LAMA1: variants seen among roughly 807,000 people sequenced by gnomAD.
LAMA1 encodes laminin subunit alpha 1.
In LAMA1, 219 loss-of-function variants were observed where a neutral mutation model predicts 348.7. That is an observed-to-expected ratio of 0.63 (90% CI 0.56 to 0.70). The LOEUF (loss-of-function observed/expected upper bound fraction) is 0.70. Ranked by LOEUF, LAMA1 falls within the 30% of genes least tolerant of loss-of-function variation. LAMA1 has a pLI of 0.00. For synonymous variants in LAMA1, 1,487 were observed against 1,491.0 expected, an observed-to-expected ratio of 1.00 and a Z score of 0.06; for missense variants, 3,744 against 3,888.0, an observed-to-expected ratio of 0.96 and a Z score of 0.99.
chr18:7,059,483 G>A (rs184716438), intron 3 of LAMA1, among the ~76,000 whole-genome samples: 29 of 152,218 alleles, frequency 1.9e-4, no homozygotes, highest in African/African-American at 4.8e-4. Context: ...CACATCAAAC[G>A]CCACTTTCTG....
chr18:7,074,121 C>T (rs900481469), intron 3 of LAMA1, among the ~76,000 whole-genome samples: 18 of 152,196 alleles, frequency 1.2e-4, no homozygotes, highest in Non-Finnish European at 2.6e-4. Context: ...ACATGAGCCA[C>T]CACGCCCGGC....
intron 1 of LAMA1, among the ~76,000 whole-genome samples, chr18:7,101,278 A>T (rs2058290280): frequency 6.6e-6 from 1 of 152,220 alleles, no homozygotes. Context: ...GTTAAAACAG[A>T]GATTCTCCTC....
intron 5 of LAMA1, among the ~76,000 whole-genome samples, chr18:7,047,446 A>G (rs1407406681): frequency 6.6e-6 from 1 of 152,220 alleles, no homozygotes; most frequent in Non-Finnish European, 1.5e-5. Flanking sequence ...AGATAAGTGA[A>G]AAGTTATATA....
chr18:6,982,368 G>T, intron 41 of LAMA1, 129 bp downstream of exon 41: 1 of 813,128 alleles, frequency 1.2e-6, no homozygotes, highest in Non-Finnish European at 2.2e-6. Flanking sequence ...ATAGGAAATT[G>T]GAATATAAAT....
At chr18:6,999,208 G>T (rs1284552293) in intron 32 of LAMA1, among the ~76,000 whole-genome samples, 1 of 152,156 alleles carries the variant, frequency 6.6e-6, no homozygotes, top group Admixed American at 6.5e-5. Flanking sequence ...TCACTGTGCT[G>T]CTCTGAGTGC....
intron 29 of LAMA1, among the ~76,000 whole-genome samples, chr18:7,003,227 T>C (rs1366702991): frequency 2.0e-5 from 3 of 150,012 alleles, no homozygotes; most frequent in Non-Finnish European, 4.4e-5. Flanking sequence ...ACGGTCTTGC[T>C]ATTAAAAAAG....
In LAMA1 at chr18:6,982,562, T is replaced by C. The variant is rs779172478; in HGVS notation, c.5825A>G (p.Lys1942Arg). ...LLSESLVSNG[K>R]AAVQRSSRFL... is the part of the protein sequence containing the mutation. ...TCTGGAGCTGCGCTGCACGGCCGCT[T>C]TCCCGTTAGAAACAAGGGATTCTGA... The change falls in exon 41 of 63, where the codon AAA becomes AGA. Residue 1942 changes from lysine to arginine, a missense_variant. Physicochemically the swap from Lys to Arg is conservative, Grantham distance 26. Around this residue, in one of 3 missense-constraint regions of LAMA1, gnomAD observed 1,983 missense variants for 1,934.3 expected, o/e 1.03. Coordinates refer to ENST00000389658, the MANE Select transcript of LAMA1 (RefSeq NM_005559.4). 6.2e-7 allele frequency: 1 copy of C among 1,614,168 alleles called. No individual in the cohort carries two copies. Among genetic ancestry groups the C allele is most frequent in the South Asian group, 1.1e-5 (1 of 91,086 alleles).
At chr18:7,025,598 G>A (rs1051030409) in intron 17 of LAMA1, among the ~76,000 whole-genome samples, 48 of 152,164 alleles carry the variant, frequency 3.2e-4, no homozygotes, top group African/African-American at 1.1e-3. Context: ...AGCCTCATGC[G>A]TACATATTTT....
In LAMA1 at chr18:7,015,802, A is replaced by C; in HGVS notation, c.3046T>G (p.Cys1016Gly). 6.2e-7 allele frequency: 1 copy of C among 1,614,116 alleles called. No homozygotes were observed. Among genetic ancestry groups the C allele is most frequent in the Non-Finnish European group, 8.5e-7 (1 of 1,180,004 alleles). The stretch of plus-strand genomic sequence containing the variant: ...TTCACACCCTGTGTGTGAGGGGGGC[A>C]GACACACTCTCCAGTTTCTGGGTCG... ...TCDPETGECV[C>G]PPHTQGVKCE... The change falls in exon 22 of 63, where the codon TGC becomes GGC. Residue 1016 changes from cysteine to glycine, a missense_variant. By Grantham distance (159) the Cys-to-Gly change is radical. Around this residue, in one of 3 missense-constraint regions of LAMA1, gnomAD observed 1,529 missense variants for 1,689.4 expected, o/e 0.91. Coordinates refer to ENST00000389658, the MANE Select transcript of LAMA1 (RefSeq NM_005559.4).
chr18:6,974,968 G>A lies in LAMA1; in HGVS notation c.6558C>T (p.Ser2186=), dbSNP rs867968283. Residue 2186 remains serine, a synonymous_variant, in exon 46 of 63, where the codon TCC becomes TCT. Coordinates refer to ENST00000389658, the MANE Select transcript of LAMA1 (RefSeq NM_005559.4). ...VAFLWDLGSG[S]TRLEFPDFPI... is the part of the protein sequence containing the mutation. ...GAAAGTCTGGAAACTCCAAGCGTGT[G>A]GACCCGGAGCCCAGGTCCCACAGGA... 1 of 1,614,054 alleles carries A rather than the reference G, an allele frequency of 6.2e-7. No homozygotes were observed. Among genetic ancestry groups the A allele is most frequent in the Non-Finnish European group, 8.5e-7 (1 of 1,180,008 alleles).
At chr18:6,970,218 A>G (rs573333915) in intron 48 of LAMA1, among the ~76,000 whole-genome samples, 4 of 152,288 alleles carry the variant, frequency 2.6e-5, no homozygotes, top group African/African-American at 9.6e-5. Context: ...TTACCTCACG[A>G]GGCAACAGCA....
intron 3 of LAMA1, among the ~76,000 whole-genome samples, chr18:7,074,778 G>C (rs547849603): frequency 2.6e-5 from 4 of 152,050 alleles, no homozygotes; most frequent in Admixed American, 2.0e-4. Flanking sequence ...AATGAAAGAA[G>C]TGAATAGTAG....
chr18:7,034,360 G>GGACACAGA, intron 14 of LAMA1, 119 bp downstream of exon 14: 1 of 774,200 alleles, frequency 1.3e-6, no homozygotes, highest in Non-Finnish European at 2.2e-6. Flanking sequence ...GCCAGATCCT[G>GGACACAGA]TAGCTGTGTC....
At chr18:7,040,016 C>T in intron 10 of LAMA1, 60 bp downstream of exon 10, 1 of 1,577,686 alleles carries the variant, frequency 6.3e-7, no homozygotes. Context: ...CAATGGAAAA[C>T]ACTCCTTTTC....
intron 9 of LAMA1, among the ~76,000 whole-genome samples, chr18:7,041,816 A>G (rs1337100874): frequency 6.6e-6 from 1 of 152,154 alleles, no homozygotes. Context: ...TCACCCCAAC[A>G]TTGTCACCTC....
intron 17 of LAMA1, among the ~76,000 whole-genome samples, chr18:7,024,992 T>C (rs955131082): frequency 1.2e-4 from 19 of 152,176 alleles, no homozygotes; most frequent in African/African-American, 3.9e-4. Flanking sequence ...TTCCTAAACC[T>C]TGAGGATCCT....
At chr18:7,099,083 A>G (rs543147215) in intron 1 of LAMA1, among the ~76,000 whole-genome samples, 1 of 152,024 alleles carries the variant, frequency 6.6e-6, no homozygotes, top group South Asian at 2.1e-4. Context: ...CTGTGTAGAA[A>G]GAAGTAGACA....
At chr18:7,021,588 A>T (rs1301215459) in intron 19 of LAMA1, among the ~76,000 whole-genome samples, 1 of 151,896 alleles carries the variant, frequency 6.6e-6, no homozygotes, top group Non-Finnish European at 1.5e-5. Flanking sequence ...AGTACTAAAA[A>T]AGAAAGTAAA....
At chr18:7,067,590 C>G (rs1175914967) in intron 3 of LAMA1, among the ~76,000 whole-genome samples, 1 of 152,012 alleles carries the variant, frequency 6.6e-6, no homozygotes, top group Non-Finnish European at 1.5e-5. Flanking sequence ...CGTTCTATAC[C>G]AAGGGAATGG....
Sources: gnomAD v4.1 joint callset for allele counts (sites outside exome capture counted in the v4.1 genomes callset) on GRCh38, gnomAD v4.1.1 for gene constraint, gnomAD v4.1.1 regional missense constraint, MANE v1.5 for transcripts, NCBI Gene and HGNC (gene_info 2026-07-23, HGNC 2026-07-21) for gene names.